CKAP2L: variants seen among roughly 807,000 people sequenced by gnomAD.
CKAP2L encodes the protein cytoskeleton associated protein 2L, also known as cytoskeleton-associated protein 2-like.
A neutral mutation model predicts 65.7 loss-of-function variants in CKAP2L; 42 were observed. The ratio of observed to expected loss-of-function variants is 0.64; its 90% confidence interval spans 0.50 to 0.83. The LOEUF (loss-of-function observed/expected upper bound fraction) is 0.83, where lower values mean the gene tolerates loss of function less well. CKAP2L is among the 40% of genes least tolerant of loss of function. CKAP2L has a pLI of 0.00. For missense variants in CKAP2L, 908 were observed against 871.0 expected (o/e 1.04, Z -0.53); for synonymous variants, 325 against 313.5 (o/e 1.04, Z -0.39).
intron 3 of CKAP2L, among the ~76,000 whole-genome samples, chr2:112,758,982 T>C (rs72825509): frequency 2.4e-4 from 36 of 152,350 alleles, no homozygotes; most frequent in South Asian, 4.1e-4. Flanking sequence ...AGATGTGTCA[T>C]ATAAATGGAA....
At chr2:112,757,462 T>G (rs1017063584) in intron 3 of CKAP2L, among the ~76,000 whole-genome samples, 34 of 147,656 alleles carry the variant, frequency 2.3e-4, no homozygotes, top group African/African-American at 7.3e-4. Context: ...CAATCTTGGC[T>G]CATTGCAACC....
chr2:112,748,290 A>G (rs1194986230), intron 5 of CKAP2L, among the ~76,000 whole-genome samples: 3 of 152,222 alleles, frequency 2.0e-5, no homozygotes, highest in Non-Finnish European at 4.4e-5. Flanking sequence ...GAGAGGGGGA[A>G]GAAAAGGATT....
intron 6 of CKAP2L, 87 bp from the exon 7 acceptor site, chr2:112,742,856 T>C (rs1680062289): frequency 1.2e-6 from 1 of 846,924 alleles, no homozygotes; most frequent in Non-Finnish European, 1.9e-6. Context: ...ATACATGTTT[T>C]ATAATAAAAG....
Position 112,755,981 on chromosome 2 carries a change from G to T in CKAP2L, c.1390C>A (p.Arg464=). Residue 464 remains arginine (R), a synonymous_variant, in exon 4 of 9, where the codon CGA becomes AGA. Transcript: ENST00000302450. Reference sequence around the variant, plus strand: ...CTTAGAATTAAAGCAAAGTACCTTCGATCCTCTGCTGTTGCCTTCTTTTTA... The same window carrying T: ...CTTAGAATTAAAGCAAAGTACCTTCTATCCTCTGCTGTTGCCTTCTTTTTA... ...NIKKKATAED[R]RKQLEEWQKS... is the part of the protein sequence containing the mutation. 6.4e-7 allele frequency: 1 copy of T among 1,563,542 alleles called. No individual in the cohort carries two copies.
intron 3 of CKAP2L, among the ~76,000 whole-genome samples, chr2:112,759,842 A>G (rs531125764): frequency 6.6e-6 from 1 of 152,024 alleles, no homozygotes; most frequent in Non-Finnish European, 1.5e-5. Context: ...AATTCTCACC[A>G]GTGAGAATTT....
chr2:112,762,440 G>C (rs1203561434), intron 2 of CKAP2L, 63 bp downstream of exon 2: 4 of 1,236,948 alleles, frequency 3.2e-6, no homozygotes, highest in Admixed American at 1.7e-5. Context: ...TTTCAAAAAG[G>C]CTTTAAATTG....
rs1680392312 is a variant in CKAP2L, at chr2:112,752,251, T to C, written c.1602+16A>G. ...ACTTTGGGCCAAAGCTGGAGGAGCT[T>C]ATCTTCTTCACTTACCCCTTCGATG... On this transcript the variant is annotated intron_variant, in intron 5 of 8. Coordinates refer to ENST00000302450, the MANE Select transcript of CKAP2L (RefSeq NM_152515.5). The C allele has an allele frequency of 1.3e-6, 2 of 1,591,892 alleles. No homozygotes were observed. Among genetic ancestry groups the C allele is most frequent in the African/African-American group, 2.7e-5 (2 of 74,166 alleles).
chr2:112,741,430 A>G (rs951686766), intron 7 of CKAP2L, among the ~76,000 whole-genome samples: 4 of 152,146 alleles, frequency 2.6e-5, no homozygotes, highest in African/African-American at 9.7e-5. Flanking sequence ...GGATGACCAC[A>G]TGGTTACTGC....
At chr2:112,743,041 T>C (rs1558755368) in intron 6 of CKAP2L, among the ~76,000 whole-genome samples, 1 of 152,240 alleles carries the variant, frequency 6.6e-6, no homozygotes, top group Non-Finnish European at 1.5e-5. Flanking sequence ...TCAAATTCTA[T>C]TTTCCTATTG....
At position 112,756,738 on chromosome 2, in the gene CKAP2L, A is replaced by C. The variant is rs1049855572; in HGVS notation, c.633T>G (p.Thr211=). ...PKLYTRSKPK[T]DSYNQTKNSL... is the part of the protein sequence containing the mutation. Reference sequence around the variant, plus strand: ...TGTTCTTGGTTTGATTATAAGAGTCAGTCTTTGGCTTACTTCTGGTATATA... The same window carrying C: ...TGTTCTTGGTTTGATTATAAGAGTCCGTCTTTGGCTTACTTCTGGTATATA... The change falls in exon 4 of 9, where the codon ACT becomes ACG. Residue 211 remains threonine, a synonymous_variant. Transcript: ENST00000302450. 6.3e-7 allele frequency: 1 copy of C among 1,597,358 alleles called. No individual in the cohort carries two copies. The highest frequency in any genetic ancestry group is 1.8e-5 in the Admixed American group (1 of 55,684).
Position 112,738,098 on chromosome 2 carries a change from A to C in CKAP2L, c.*725T>G, listed in dbSNP as rs963590465. The C allele has an allele frequency of 6.6e-6, 1 of 152,264 alleles. No homozygotes were observed. Among genetic ancestry groups the C allele is most frequent in the Non-Finnish European group, 1.5e-5 (1 of 68,070 alleles). 9.4% of individuals were successfully genotyped at this position (152,264 alleles called of 1,614,324 possible). On this transcript the variant is annotated 3_prime_UTR_variant, in exon 9 of 9. Transcript: ENST00000302450. ...ATACCCTAGCTGAGCAAAGAACTGA[A>C]GAAGCAAGTGTCCACTCCCCACCCC...
intron 8 of CKAP2L, 62 bp from the exon 9 acceptor site, chr2:112,739,110 TTTTG>T: frequency 7.8e-7 from 1 of 1,287,438 alleles, no homozygotes; most frequent in Non-Finnish European, 1.1e-6. Context: ...CTTTATTATT[TTTTG>T]TTTCTTATTC....
At chr2:112,747,093 TTTTC>T (rs1382562684) in intron 5 of CKAP2L, among the ~76,000 whole-genome samples, 1 of 104,644 alleles carries the variant, frequency 9.6e-6, no homozygotes, top group African/African-American at 5.6e-5. Flanking sequence ...CTGGCTTAAT[TTTTC>T]TTTTTTTTTT....
At chr2:112,757,393 T>G (rs1007562373) in intron 3 of CKAP2L, among the ~76,000 whole-genome samples, 179 bp from the exon 4 acceptor site, 3 of 146,666 alleles carry the variant, frequency 2.0e-5, no homozygotes, top group African/African-American at 7.6e-5. Context: ...GTGTTTTTTT[T>G]TTTTTTTTTT....
intron 8 of CKAP2L, among the ~76,000 whole-genome samples, chr2:112,739,742 C>T (rs1679741731): frequency 6.6e-6 from 1 of 152,100 alleles, no homozygotes; most frequent in Non-Finnish European, 1.5e-5. Flanking sequence ...ACAGCCTCAA[C>T]CTCCTAGGAT....
At position 112,756,694 on chromosome 2, in the gene CKAP2L, G is replaced by T. The variant is rs1680551834; in HGVS notation, c.677C>A (p.Ala226Asp). The part of the protein sequence containing the change: ...QTKNSLVPKQ[A>D]LGKSSVNSAV... ...ACTATTAACTGAACTTTTGCCCAAG[G>T]CTTGTTTAGGAACTAAACTGTTCTT... Residue 226 changes from alanine (A) to aspartate (D), a missense_variant, in exon 4 of 9, where the codon GCC becomes GAC. Transcript: ENST00000302450. The T allele has an allele frequency of 5.0e-6, 8 of 1,593,092 alleles. No homozygotes were observed. In the East Asian group the frequency reaches 1.8e-4, roughly 36 times the overall value.
Position 112,759,238 on chromosome 2 carries a change from T to A in CKAP2L, c.156+1475A>T, listed in dbSNP as rs556430907. Among the ~76,000 whole-genome samples the A allele has an allele frequency of 1.4e-4, 13 of 92,188 alleles. No individual in the cohort carries two copies. In the South Asian group the frequency reaches 3.9e-3, roughly 27 times the overall value. The allele number at this position is 92,188 out of a possible 152,430, so 60.5% of individuals were successfully genotyped here. On this transcript the variant is annotated intron_variant, in intron 3 of 8. Coordinates refer to ENST00000302450, the MANE Select transcript of CKAP2L (RefSeq NM_152515.5). ...CTGTTGGTCAAAGAGTACTGCTTTT[T>A]ACTCTCAAAGTGTCCTGGTTTGGAC...
At chr2:112,764,394 C>T (rs989429235) in intron 1 of CKAP2L, among the ~76,000 whole-genome samples, 168 bp downstream of exon 1, 2 of 152,222 alleles carry the variant, frequency 1.3e-5, no homozygotes, top group African/African-American at 2.4e-5. Context: ...AGGACCCAGA[C>T]GTCTACCTGG....
In CKAP2L at chr2:112,736,737, G is replaced by A. The variant is rs192903189; in HGVS notation, c.*2086C>T. The A allele has an allele frequency of 4.6e-5, 7 of 152,220 alleles. No individual in the cohort carries two copies. Among genetic ancestry groups the A allele is most frequent in the African/African-American group, 1.4e-4 (6 of 41,536 alleles). 9.4% of individuals were successfully genotyped at this position (152,220 alleles called of 1,614,324 possible). On this transcript the variant is annotated 3_prime_UTR_variant, in exon 9 of 9. Coordinates refer to ENST00000302450, the MANE Select transcript of CKAP2L (RefSeq NM_152515.5). ...ATTTCACTTAGCATAATGTTCTCCA[G>A]GTCCATCTATGTTGTGGCAAATGGC...
Sources: gnomAD v4.1 joint callset for allele counts (sites outside exome capture counted in the v4.1 genomes callset) on GRCh38, gnomAD v4.1.1 for gene constraint, MANE v1.5 for transcripts, NCBI Gene and HGNC (gene_info 2026-07-23, HGNC 2026-07-21) for gene names.